The following ATP11A variants were observed in gnomAD, a reference collection of about 807,000 sequenced individuals.
The protein encoded by ATP11A is phospholipid-transporting ATPase IH.
Under a neutral mutation model 154.4 loss-of-function variants are expected in ATP11A, and 81 were observed. The observed-to-expected ratio is 0.52, with a 90% CI of 0.44 to 0.63. The LOEUF is 0.63. ATP11A is among the 30% of genes least tolerant of loss of function. The pLI is 0.00. For missense variants in ATP11A, 1,316 were observed against 1,474.3 expected (o/e 0.89, Z 1.76); for synonymous variants, 623 against 585.9 (o/e 1.06, Z -0.91).
chr13:112,768,795 G>A (rs1283912606), intron 1 of ATP11A, among the ~76,000 whole-genome samples: 2 of 152,154 alleles, frequency 1.3e-5, no homozygotes, highest in South Asian at 4.2e-4. Context: ...AGTGTTTTCC[G>A]GTGGCTTGGG....
intron 2 of ATP11A, among the ~76,000 whole-genome samples, chr13:112,803,508 T>A (rs966431562): frequency 6.6e-6 from 1 of 152,208 alleles, no homozygotes; most frequent in African/African-American, 2.4e-5. Flanking sequence ...GTAGACTGTC[T>A]TCATTACGGC....
At chr13:112,763,330 C>T (rs1329609423) in intron 1 of ATP11A, among the ~76,000 whole-genome samples, 1 of 152,166 alleles carries the variant, frequency 6.6e-6, no homozygotes, top group African/African-American at 2.4e-5. Flanking sequence ...ATCCCACCCT[C>T]CTCCCTTTGG....
At chr13:112,880,551 T>C (rs1248471211) in intron 29 of ATP11A, 1 of 1,298,542 alleles carries the variant, frequency 7.7e-7, no homozygotes, top group Non-Finnish European at 1.0e-6. Context: ...TGCAGAGGGG[T>C]GTGAAGCACA....
At chr13:112,723,400 T>A (rs1278830902) in intron 1 of ATP11A, among the ~76,000 whole-genome samples, 2 of 99,252 alleles carry the variant, frequency 2.0e-5, no homozygotes, top group East Asian at 3.3e-4. Context: ...GCCTCTTGAG[T>A]AGCTGGGATT....
rs2080954569 is a variant in ATP11A at position 112,885,179 on chromosome 13, CACA to C, written c.*3315_*3317del. 1 of 152,238 alleles carries C rather than the reference CACA, an allele frequency of 6.6e-6. No individual in the cohort carries two copies. The highest frequency in any genetic ancestry group is 1.5e-5 in the Non-Finnish European group (1 of 68,068). 9.4% of individuals were successfully genotyped at this position (152,238 alleles called of 1,614,324 possible). On this transcript the variant is annotated 3_prime_UTR_variant, in exon 30 of 30. Coordinates refer to ENST00000375645, the MANE Select transcript of ATP11A (RefSeq NM_015205.3). ...ACAGACACGCGTGTGCATGCTCCTACACAATACATATGCACATATCATGAACAG... is the reference window on the plus strand; with the variant it reads ...ACAGACACGCGTGTGCATGCTCCTACATACATATGCACATATCATGAACAG...
chr13:112,872,796 C>T (rs927402975), intron 26 of ATP11A, among the ~76,000 whole-genome samples: 6 of 137,704 alleles, frequency 4.4e-5, no homozygotes, highest in Non-Finnish European at 6.6e-5. Context: ...TTCCTCTCCA[C>T]TCACACTGTG....
chr13:112,844,521 G>A (rs1455268670), intron 17 of ATP11A, among the ~76,000 whole-genome samples: 2 of 152,134 alleles, frequency 1.3e-5, no homozygotes, highest in South Asian at 2.1e-4. Flanking sequence ...GGAGACCACC[G>A]CTCCACTCGC....
chr13:112,728,862 G>A (rs1251970029), intron 1 of ATP11A, among the ~76,000 whole-genome samples: 1 of 152,168 alleles, frequency 6.6e-6, no homozygotes. Flanking sequence ...AAAATTCAAA[G>A]CTAAGAGAAG....
intron 25 of ATP11A, among the ~76,000 whole-genome samples, chr13:112,867,712 C>T (rs1253579744): frequency 6.6e-6 from 1 of 152,208 alleles, no homozygotes; most frequent in Non-Finnish European, 1.5e-5. Context: ...CTGGCTATGT[C>T]CTGGAAGGTA....
intron 1 of ATP11A, among the ~76,000 whole-genome samples, chr13:112,780,657 G>GGTCA (rs1476684816): frequency 6.6e-6 from 1 of 152,168 alleles, no homozygotes; most frequent in Non-Finnish European, 1.5e-5. Flanking sequence ...TGTGTCCTAT[G>GGTCA]GTCAGTCACA....
At chr13:112,706,430 A>G (rs375014463) in intron 1 of ATP11A, among the ~76,000 whole-genome samples, 1 of 152,216 alleles carries the variant, frequency 6.6e-6, no homozygotes, top group East Asian at 1.9e-4. Flanking sequence ...ATGGTGTTAC[A>G]TGGTTCCATG....
At chr13:112,705,507 G>A (rs1887049433) in intron 1 of ATP11A, among the ~76,000 whole-genome samples, 1 of 152,178 alleles carries the variant, frequency 6.6e-6, no homozygotes, top group Admixed American at 6.5e-5. Flanking sequence ...GAAGGCACAT[G>A]GCATGTAGCA....
At chr13:112,852,652 T>C (rs2079800018) in intron 18 of ATP11A, among the ~76,000 whole-genome samples, 2 of 151,970 alleles carry the variant, frequency 1.3e-5, no homozygotes, top group Non-Finnish European at 2.9e-5. Flanking sequence ...GCTGGGTCGA[T>C]CTTTAGAGGC....
chr13:112,810,724 CGAGT>C lies in ATP11A; in HGVS notation c.440_441+2del. ...CGTTCGGAAACAAAGTCGAAAGCTGCGAGTAAGTGACACCCGACACATTTACGCT... is the reference window on the plus strand; with the variant it reads ...CGTTCGGAAACAAAGTCGAAAGCTGCAAGTGACACCCGACACATTTACGCT... On this transcript the variant is annotated splice_donor_variant and coding_sequence_variant, in exon 5 of 30. Transcript: ENST00000375645. LOFTEE classifies it high-confidence loss of function. The C allele has an allele frequency of 6.2e-7, 1 of 1,613,530 alleles. No homozygotes were observed. The highest frequency in any genetic ancestry group is 8.5e-7 in the Non-Finnish European group (1 of 1,179,530).
chr13:112,738,835 G>C (rs1258689328), intron 1 of ATP11A, among the ~76,000 whole-genome samples: 1 of 151,790 alleles, frequency 6.6e-6, no homozygotes, highest in Non-Finnish European at 1.5e-5. Context: ...CTCCCTTCTC[G>C]TGTCCCACTG....
intron 1 of ATP11A, among the ~76,000 whole-genome samples, chr13:112,759,256 T>A (rs400640): frequency 0.83 from 126,790 of 152,166 alleles, 53,000 homozygotes; most frequent in Middle Eastern, 0.97. Flanking sequence ...AGCCCTCTGG[T>A]GAGGTTCTTC....
intron 1 of ATP11A, among the ~76,000 whole-genome samples, chr13:112,748,986 G>T (rs2076625113): frequency 6.6e-6 from 1 of 152,208 alleles, no homozygotes; most frequent in Admixed American, 6.5e-5. Flanking sequence ...ACAGAATGTT[G>T]CCATTTGAGC....
At chr13:112,824,302 C>A (rs1278510455) in intron 9 of ATP11A, 42 bp from the exon 10 acceptor site, 2 of 1,503,222 alleles carry the variant, frequency 1.3e-6, no homozygotes, top group African/African-American at 1.4e-5. Flanking sequence ...AGGCAAGACA[C>A]ACTTGCGCCC....
At chr13:112,833,204 G>A (rs984661752) in intron 14 of ATP11A, among the ~76,000 whole-genome samples, 181 bp downstream of exon 14, 4 of 152,138 alleles carry the variant, frequency 2.6e-5, no homozygotes, top group Admixed American at 2.0e-4. Flanking sequence ...CCCTCCCACC[G>A]TGATAAGCAG....
Sources: allele counts gnomAD v4.1 joint callset (sites outside exome capture counted in the v4.1 genomes callset), GRCh38; gene constraint gnomAD v4.1.1; transcripts MANE v1.5; gene names NCBI Gene and HGNC (gene_info 2026-07-23, HGNC 2026-07-21).